Variants in ATXN8OS observed in about 807,000 individuals in gnomAD.
The protein encoded by ATXN8OS is ATXN8 opposite strand (non-protein coding).
rs568936400 is a variant in ATXN8OS, at chr13:70,139,410, G to A, written n.500-7945G>A. The A allele has an allele frequency of 9.7e-5, 70 of 721,894 alleles. 1 individual carries two copies. Among genetic ancestry groups the A allele is most frequent in the Admixed American group, 5.2e-4 (24 of 45,812 alleles). The allele number at this position is 721,894 out of a possible 1,614,324, so 44.7% of individuals were successfully genotyped here. A position where few individuals can be genotyped will look rare whatever the true frequency, so the allele number is the denominator to read the frequency against. On this transcript the variant is annotated intron_variant and non_coding_transcript_variant, in intron 3 of 4. Coordinates refer to ENST00000678624, the Ensembl canonical transcript of ATXN8OS. ...TGCTGCTGCTGCTGCTGCTGCTGCT[G>A]CTGCTGCTGCTGCTGCTGCATTTTT...
At chr13:70,128,702 G>A (rs1888480726) in intron 2 of ATXN8OS, among the ~76,000 whole-genome samples, 1 of 152,068 alleles carries the variant, frequency 6.6e-6, no homozygotes, top group South Asian at 2.1e-4. Flanking sequence ...TTACTCTTGT[G>A]TTTATTTTTT....
chr13:70,140,403 C>A (rs1207939797), intron 3 of ATXN8OS, among the ~76,000 whole-genome samples: 1 of 151,896 alleles, frequency 6.6e-6, no homozygotes, highest in Non-Finnish European at 1.5e-5. Flanking sequence ...ATCTTAAATA[C>A]TTTCATTCTG....
At chr13:70,139,620 A>G (rs921803267) in intron 3 of ATXN8OS, among the ~76,000 whole-genome samples, 4 of 152,098 alleles carry the variant, frequency 2.6e-5, no homozygotes, top group Non-Finnish European at 4.4e-5. Flanking sequence ...CAGTCCTCAC[A>G]AGCCTTTCTC....
At chr13:70,162,179 T>C (rs937287344) in intron 4 of ATXN8OS, among the ~76,000 whole-genome samples, 5 of 152,096 alleles carry the variant, frequency 3.3e-5, no homozygotes, top group African/African-American at 7.2e-5. Flanking sequence ...GCCTGACATT[T>C]GAAGACGTTG....
chr13:70,109,561 T>G (rs1888165768), intron 1 of ATXN8OS, among the ~76,000 whole-genome samples: 1 of 152,128 alleles, frequency 6.6e-6, no homozygotes. Flanking sequence ...AATAAGAAAT[T>G]AAGTGCACAA....
chr13:70,108,393 C>T (rs1055873475), intron 1 of ATXN8OS: 16 of 170,066 alleles, frequency 9.4e-5, no homozygotes, highest in African/African-American at 1.9e-4. Flanking sequence ...GATATTCTAG[C>T]GCATATAGGG....
At chr13:70,125,169 C>T (rs529693019) in intron 2 of ATXN8OS, among the ~76,000 whole-genome samples, 1 of 152,054 alleles carries the variant, frequency 6.6e-6, no homozygotes, top group African/African-American at 2.4e-5. Context: ...AACTCATTAT[C>T]TTTGTATCCT....
chr13:70,131,048 G>C (rs1289795830), intron 3 of ATXN8OS: 1 of 398,368 alleles, frequency 2.5e-6, no homozygotes, highest in Admixed American at 4.4e-5. Flanking sequence ...CTCAACAGGT[G>C]ATTATTCTTT....
exon 5 of ATXN8OS, among the ~76,000 whole-genome samples, chr13:70,170,445 G>A (rs1889132267): frequency 6.6e-6 from 1 of 152,108 alleles, no homozygotes; most frequent in South Asian, 2.1e-4. Flanking sequence ...GAGCACAGAT[G>A]AGTAGGCAAC....
intron 3 of ATXN8OS, among the ~76,000 whole-genome samples, chr13:70,143,092 A>G (rs989305556): frequency 2.0e-5 from 3 of 151,094 alleles, no homozygotes; most frequent in Non-Finnish European, 4.4e-5. Context: ...TCGTAAATGT[A>G]CATGACATTT....
intron 2 of ATXN8OS, among the ~76,000 whole-genome samples, chr13:70,116,213 A>C (rs372770287): frequency 4.0e-5 from 6 of 151,880 alleles, no homozygotes; most frequent in African/African-American, 1.5e-4. Flanking sequence ...TACATTCTTG[A>C]GGTGAGAGAT....
chr13:70,162,784 C>T (rs1461468980), intron 4 of ATXN8OS, among the ~76,000 whole-genome samples: 3 of 152,082 alleles, frequency 2.0e-5, no homozygotes, highest in Non-Finnish European at 4.4e-5. Flanking sequence ...TTTTGATTAA[C>T]TGAATTTAAG....
chr13:70,166,908 T>TG (rs1476250531), intron 4 of ATXN8OS, among the ~76,000 whole-genome samples: 4 of 151,220 alleles, frequency 2.6e-5, no homozygotes, highest in Non-Finnish European at 5.9e-5. Flanking sequence ...AAAAAACACA[T>TG]GAAAAAATGC....
intron 4 of ATXN8OS, among the ~76,000 whole-genome samples, chr13:70,147,492 T>G (rs1888801564): frequency 6.6e-6 from 1 of 152,144 alleles, no homozygotes. Flanking sequence ...TCACTGCCAA[T>G]CCTGTTTCAA....
intron 4 of ATXN8OS, among the ~76,000 whole-genome samples, chr13:70,168,880 A>G (rs923711881): frequency 1.3e-5 from 2 of 152,000 alleles, no homozygotes; most frequent in African/African-American, 4.8e-5. Flanking sequence ...GTTAGTATGG[A>G]TTTATTTTGT....
At position 70,145,644 on chromosome 13, in the gene ATXN8OS, T is replaced by C. The variant is rs1026902605; in HGVS notation, n.500-1711T>C. On this transcript the variant is annotated intron_variant and non_coding_transcript_variant, in intron 3 of 4. Transcript: ENST00000678624. The stretch of plus-strand genomic sequence containing the variant: ...AATGGTAGTTCACTCATGATTTGGC[T>C]CTCTGTTTGTCTGTTATTGTTGTAT... Among the ~76,000 whole-genome samples the C allele has an allele frequency of 2.2e-4, 33 of 152,186 alleles. 1 individual carries two copies. The Admixed American group carries it at 2.2e-3, about 10-fold the overall frequency.
At chr13:70,131,249 T>C (rs902155784) in intron 3 of ATXN8OS, 1 of 398,110 alleles carries the variant, frequency 2.5e-6, no homozygotes, top group Non-Finnish European at 4.4e-6. Flanking sequence ...ATTAATTTAC[T>C]TCTCTTCATT....
intron 2 of ATXN8OS, among the ~76,000 whole-genome samples, chr13:70,117,038 T>C (rs1321191642): frequency 1.3e-5 from 2 of 152,106 alleles, no homozygotes; most frequent in Non-Finnish European, 2.9e-5. Context: ...TCCTACAAGA[T>C]AAAGTAATTT....
At chr13:70,136,128 G>T (rs79899979) in intron 3 of ATXN8OS, among the ~76,000 whole-genome samples, 459 of 152,264 alleles carry the variant, frequency 3.0e-3, no homozygotes, top group African/African-American at 9.9e-3. Flanking sequence ...TTCTTTTGCG[G>T]GGGCAAGTCT....
Sources: allele counts gnomAD v4.1 joint callset (sites outside exome capture counted in the v4.1 genomes callset), GRCh38; gene constraint gnomAD v4.1.1; transcripts MANE v1.5; gene names NCBI Gene and HGNC (gene_info 2026-07-23, HGNC 2026-07-21).